Variants in ANKRD26 observed in about 807,000 individuals in gnomAD.
The protein encoded by ANKRD26 is ankyrin repeat domain 26.
In ANKRD26, 141 loss-of-function variants were observed where a neutral mutation model predicts 208.7. The observed-to-expected ratio is 0.68, with a 90% confidence interval of 0.59 to 0.78. ANKRD26 has a LOEUF of 0.78. ANKRD26 is among the 30% of genes least tolerant of loss of function. ANKRD26 has a pLI of 0.00. For missense variants in ANKRD26, 1,889 were observed against 1,938.7 expected, an observed-to-expected ratio of 0.97 and a Z score of 0.48; for synonymous variants, 636 against 660.4, an observed-to-expected ratio of 0.96 and a Z score of 0.57.
At chr10:26,972,684 A>G (rs765938715), downstream of ANKRD26, among the ~76,000 whole-genome samples, 4 of 143,062 alleles carry the variant, frequency 2.8e-5, no homozygotes, top group East Asian at 2.1e-4. Flanking sequence ...TCCGCCTCCC[A>G]GGTTGACGCC....
chr10:27,029,265 G>A (rs755045164), intron 26 of ANKRD26, 21 bp downstream of exon 26: 9 of 1,598,424 alleles, frequency 5.6e-6, no homozygotes, highest in Non-Finnish European at 7.7e-6. Flanking sequence ...ATGTTTTTCT[G>A]TGTGCTGCTT....
At chr10:27,086,652 C>A in intron 4 of ANKRD26, 43 bp from the exon 5 acceptor site, 1 of 1,542,982 alleles carries the variant, frequency 6.5e-7, no homozygotes, top group Non-Finnish European at 8.8e-7. Flanking sequence ...AATACTGATA[C>A]AAAAAATATT....
Position 27,013,003 on chromosome 10 carries a change from C to T in ANKRD26, c.4832G>A (p.Cys1611Tyr). ...LTTRPVMEPPCVGNLNNSLDL... is the reference protein window; with the variant it reads ...LTTRPVMEPPYVGNLNNSLDL... Reference sequence around the variant, plus strand: ...TAAACTATTATTAAGATTTCCCACACAAGGTGGCTCCATGACTGGCCTGGT... The same window carrying T: ...TAAACTATTATTAAGATTTCCCACATAAGGTGGCTCCATGACTGGCCTGGT... The change falls in exon 32 of 34, where the codon TGT (cysteine) becomes TAT (tyrosine). Residue 1611 changes from cysteine to tyrosine, a missense_variant. By Grantham distance (194) the Cys-to-Tyr change is radical (BLOSUM62 -2). Transcript: ENST00000376087. 2.5e-6 allele frequency: 4 copies of T among 1,614,056 alleles called. No homozygotes were observed. The highest frequency in any genetic ancestry group is 1.1e-5 in the South Asian group (1 of 91,082).
intron 1 of ANKRD26, among the ~76,000 whole-genome samples, chr10:27,098,106 C>T (rs577402943): frequency 1.8e-4 from 27 of 152,006 alleles, no homozygotes; most frequent in African/African-American, 6.3e-4. Flanking sequence ...AAAAGATACC[C>T]TTTACTTTTT....
chr10:27,035,285 T>C lies in ANKRD26; in HGVS notation c.3165A>G (p.Leu1055=). 1.2e-6 allele frequency: 2 copies of C among 1,613,812 alleles called. No homozygotes were observed. Among genetic ancestry groups the C allele is most frequent in the East Asian group, 2.2e-5 (1 of 44,868 alleles). Residue 1055 remains leucine, a synonymous_variant, in exon 24 of 34, where the codon CTA becomes CTG. Transcript: ENST00000376087. ...GAGAAAGAATCTCATTGTTATCTTT[T>C]AGGTTAGACACATCAAAATTCATTT... ...QDKMNFDVSN[L]KDNNEILSQQ...
chr10:27,091,982 T>C lies in ANKRD26; in HGVS notation c.638+424A>G, dbSNP rs372703634. ...AGCCTGAGTGACGGGGGAGACTCCA[T>C]GTAAAAAAAAAAAAAAGTAAACTAA... On this transcript the variant is annotated intron_variant, in intron 4 of 33. Coordinates refer to ENST00000376087, the MANE Select transcript of ANKRD26 (RefSeq NM_014915.3). Among the ~76,000 whole-genome samples, 5 of 140,858 alleles carry C rather than the reference T, an allele frequency of 3.5e-5. No individual in the cohort carries two copies. The South Asian group carries it at 6.6e-4, about 19-fold the overall frequency. 92.4% of individuals were successfully genotyped at this position (140,858 alleles called of 152,430 possible).
At chr10:27,000,938 G>A (rs12771110), downstream of ANKRD26, among the ~76,000 whole-genome samples, 14,139 of 152,238 alleles carry the variant, frequency 0.093, 787 homozygotes, top group East Asian at 0.28. Context: ...AACCCAGGAG[G>A]CGGAGCTTGC....
At chr10:27,080,152 G>GCA in intron 6 of ANKRD26, 1 of 177,374 alleles carries the variant, frequency 5.6e-6, no homozygotes, top group Non-Finnish European at 1.2e-5. Flanking sequence ...GCAAGACTTT[G>GCA]TCTCAAAAAA....
At chr10:26,976,078 A>G (rs566630227) in intron 5 of ANKRD26, among the ~76,000 whole-genome samples, 7 of 152,278 alleles carry the variant, frequency 4.6e-5, no homozygotes, top group Admixed American at 4.6e-4. Context: ...AAGATCAGGA[A>G]AATAAAATCT....
chr10:26,982,643 T>C (rs1404836760), intron 4 of ANKRD26, among the ~76,000 whole-genome samples: 1 of 151,212 alleles, frequency 6.6e-6, no homozygotes, highest in African/African-American at 2.4e-5. Context: ...AGAAAAACAA[T>C]ATGTATGTGG....
chr10:27,006,527 G>C (rs1010990058), intron 33 of ANKRD26, among the ~76,000 whole-genome samples: 3 of 152,210 alleles, frequency 2.0e-5, no homozygotes, highest in Non-Finnish European at 2.9e-5. Context: ...TATTACTAGT[G>C]AGTCTGGGGT....
chr10:26,992,469 TACACACACACACAC>T (rs61459601), intron 5 of ANKRD26, among the ~76,000 whole-genome samples: 27 of 136,310 alleles, frequency 2.0e-4, no homozygotes, highest in African/African-American at 6.6e-4. Context: ...TACACACACG[TACACACACACACAC>T]ACACACACAC....
At position 27,060,371 on chromosome 10, in the gene ANKRD26, A is replaced by C; in HGVS notation, c.1538T>G (p.Met513Arg). ...TGCTTTGGATGTTTGTACATCCTTC[A>C]TTCCTCCTGCTTTATTTGGAACAGA... ...KDSVPNKAGGMKDVQTSKAAE... is the reference protein window; with the variant it reads ...KDSVPNKAGGRKDVQTSKAAE... Residue 513 changes from methionine to arginine, a missense_variant, in exon 15 of 34, where the codon ATG becomes AGG. Met to Arg is a moderately conservative substitution (Grantham distance 91, BLOSUM62 -1). Around this residue, in one of 3 missense-constraint regions of ANKRD26, gnomAD observed 1,272 missense variants for 1,273.8 expected, o/e 1.00. Coordinates refer to ENST00000376087, the MANE Select transcript of ANKRD26 (RefSeq NM_014915.3). 6.2e-7 allele frequency: 1 copy of C among 1,612,836 alleles called. No individual in the cohort carries two copies. Among genetic ancestry groups the C allele is most frequent in the Non-Finnish European group, 8.5e-7 (1 of 1,178,990 alleles).
At position 27,093,339 on chromosome 10, in the gene ANKRD26, T is replaced by A. The variant is rs114367485; in HGVS notation, c.531+10A>T. On this transcript the variant is annotated intron_variant, in intron 3 of 33. Coordinates refer to ENST00000376087, the MANE Select transcript of ANKRD26 (RefSeq NM_014915.3). ...CAAATACTGTAAAAATAAAGTTGGT[T>A]GATCTATACCTTGTTTTTTGCTTCA... The A allele has an allele frequency of 3.9e-4, 630 of 1,612,274 alleles. No individual in the cohort carries two copies. In the African/African-American group the frequency reaches 7.5e-3, roughly 19 times the overall value.
the ANKRD26 span, among the ~76,000 whole-genome samples, chr10:26,959,683 C>T: frequency 3.3e-5 from 5 of 149,258 alleles, no homozygotes; most frequent in African/African-American, 9.9e-5. Flanking sequence ...TTTCACCAGG[C>T]TGGCCAGGCT....
chr10:27,079,385 A>C (rs2055820986), intron 6 of ANKRD26, among the ~76,000 whole-genome samples: 1 of 152,240 alleles, frequency 6.6e-6, no homozygotes, highest in Admixed American at 6.5e-5. Context: ...CTCCGAAACT[A>C]TAAAATATTC....
intron 5 of ANKRD26, among the ~76,000 whole-genome samples, chr10:26,980,386 G>A (rs1382910969): frequency 6.6e-6 from 1 of 152,158 alleles, no homozygotes; most frequent in Non-Finnish European, 1.5e-5. Flanking sequence ...CCATTCCTTA[G>A]CTTTAGCATC....
chr10:26,981,550 C>G (rs1487007671), intron 4 of ANKRD26, among the ~76,000 whole-genome samples: 1 of 152,152 alleles, frequency 6.6e-6, no homozygotes, highest in Non-Finnish European at 1.5e-5. Context: ...TTTGTTCTTG[C>G]TTTCTCCTGC....
intron 32 of ANKRD26, 112 bp downstream of exon 32, chr10:27,012,770 C>T: frequency 9.9e-7 from 1 of 1,013,846 alleles, no homozygotes; most frequent in Non-Finnish European, 1.5e-6. Context: ...CAAGATGGCA[C>T]CACTGCACTC....
Sources: gnomAD v4.1 joint callset for allele counts (sites outside exome capture counted in the v4.1 genomes callset) on GRCh38, gnomAD v4.1.1 for gene constraint, gnomAD v4.1.1 regional missense constraint, MANE v1.5 for transcripts, NCBI Gene and HGNC (gene_info 2026-07-23, HGNC 2026-07-21) for gene names.